The following P3H2 variants were observed in gnomAD, a reference collection of about 807,000 sequenced individuals.
The protein encoded by P3H2 is leprecan-like 1.
A neutral mutation model predicts 87.0 loss-of-function variants in P3H2; 80 were observed. The observed-to-expected ratio is 0.92, with a 90% CI of 0.77 to 1.11. The LOEUF is 1.11. P3H2 is among the 50% of genes least tolerant of loss of function. The pLI is 0.00. For synonymous variants in P3H2, 367 were observed against 359.3 expected, an observed-to-expected ratio of 1.02 and a Z score of -0.24; for missense variants, 1,001 against 923.9, an observed-to-expected ratio of 1.08 and a Z score of -1.08.
At chr3:190,061,549 A>T (rs894541589) in intron 1 of P3H2, among the ~76,000 whole-genome samples, 3 of 152,102 alleles carry the variant, frequency 2.0e-5, no homozygotes, top group Non-Finnish European at 4.4e-5. Context: ...GTTTATCAAT[A>T]CATCCTACTA....
intron 2 of P3H2, 90 bp from the exon 3 acceptor site, chr3:189,994,373 C>A: frequency 9.2e-7 from 1 of 1,086,424 alleles, no homozygotes. Context: ...TTTTTGTTGA[C>A]TCAGGATCAT....
At chr3:190,034,316 T>C (rs148523364) in intron 1 of P3H2, among the ~76,000 whole-genome samples, 3 of 152,340 alleles carry the variant, frequency 2.0e-5, no homozygotes, top group Admixed American at 2.0e-4. Flanking sequence ...TTGGTGGTAG[T>C]ACTTTCTCTA....
rs149890538 is a variant in P3H2, at chr3:190,080,269, G to A, written c.480+39983C>T. The stretch of plus-strand genomic sequence containing the variant: ...AGATACGGGCATAGCAGAGGGCACT[G>A]AGGCTACAGAGTAAGCCAGGCTTTA... On this transcript the variant is annotated intron_variant, in intron 1 of 14. Coordinates refer to ENST00000319332, the MANE Select transcript of P3H2 (RefSeq NM_018192.4). Among the ~76,000 whole-genome samples the A allele has an allele frequency of 5.5e-3, 831 of 152,310 alleles. 8 individuals carry two copies. The highest frequency in any genetic ancestry group is 0.019 in the African/African-American group (790 of 41,568).
intron 1 of P3H2, among the ~76,000 whole-genome samples, chr3:190,083,991 T>G (rs554096722): frequency 6.6e-6 from 1 of 152,238 alleles, no homozygotes; most frequent in Admixed American, 6.5e-5. Context: ...ATTCTCATTA[T>G]GTTTTTTAAA....
chr3:190,048,029 G>T (rs535704603), intron 1 of P3H2, among the ~76,000 whole-genome samples: 7 of 152,208 alleles, frequency 4.6e-5, no homozygotes, highest in Middle Eastern at 3.4e-3. Context: ...GAGAGAAGTG[G>T]CTGTCACAAT....
In P3H2 at chr3:190,120,639, G is replaced by A. The variant is rs766560374; in HGVS notation, c.93C>T (p.Arg31=). ...GCCCGGGCTCCAGCTCCAGCTCCCG[G>A]CGTGGGCTGTCCGGGGGGCCGCCCC... The part of the protein sequence containing the change: ...PLWGGPPDSP[R]RELELEPGPL... Residue 31 remains arginine (R), a synonymous_variant, in exon 1 of 15, where the codon CGC becomes CGT. Transcript: ENST00000319332. The A allele has an allele frequency of 6.5e-7, 1 of 1,530,258 alleles. No individual in the cohort carries two copies. The highest frequency in any genetic ancestry group is 1.2e-5 in the South Asian group (1 of 82,894). The allele number at this position is 1,530,258 out of a possible 1,614,324, so 94.8% of individuals were successfully genotyped here.
chr3:189,982,523 C>T (rs1316035396), intron 8 of P3H2, among the ~76,000 whole-genome samples: 3 of 152,146 alleles, frequency 2.0e-5, no homozygotes, highest in Non-Finnish European at 2.9e-5. Flanking sequence ...GCCTTTGCTC[C>T]GTTTCTTTTA....
chr3:190,083,672 A>C (rs1220128127), intron 1 of P3H2, among the ~76,000 whole-genome samples: 1 of 152,224 alleles, frequency 6.6e-6, no homozygotes, highest in Non-Finnish European at 1.5e-5. Flanking sequence ...AGAATCCCCT[A>C]GTCACCCATT....
chr3:190,004,193 A>C (rs74493467), intron 1 of P3H2, among the ~76,000 whole-genome samples: 2,843 of 152,276 alleles, frequency 0.019, 87 homozygotes, highest in African/African-American at 0.065. Context: ...TGTATGTTTT[A>C]TATAGTTGGC....
At position 190,120,841 on chromosome 3, in the gene P3H2, C is replaced by T; in HGVS notation, c.-110G>A. The T allele has an allele frequency of 2.1e-6, 3 of 1,431,696 alleles. No homozygotes were observed. In the South Asian group the frequency reaches 4.2e-5, roughly 20 times the overall value. 88.7% of individuals were successfully genotyped at this position (1,431,696 alleles called of 1,614,324 possible). ...TCGGGGAAGCGCGCCGACTCCGCCG[C>T]GATCTGGCCGCTCCGCGAGCCCCAG... On this transcript the variant is annotated 5_prime_UTR_variant, in exon 1 of 15. Coordinates refer to ENST00000319332, the MANE Select transcript of P3H2 (RefSeq NM_018192.4).
At chr3:190,013,661 C>T (rs1385280407) in intron 1 of P3H2, among the ~76,000 whole-genome samples, 1 of 152,136 alleles carries the variant, frequency 6.6e-6, no homozygotes, top group Non-Finnish European at 1.5e-5. Context: ...TCCCTTAGGA[C>T]TTTTAACATC....
In P3H2 at chr3:189,987,572, ACT is replaced by A; in HGVS notation, c.1051_1052del (p.Leu352AlafsTer3). ...DVLDNVDYYE[S>X]LLDDSIDPAS... Reference sequence around the variant, plus strand: ...CCGGGTCAATGCTATCATCCAGCAGACTCTCATAGTAATCCACATTGTCTAGG... The same window carrying A: ...CCGGGTCAATGCTATCATCCAGCAGACTCATAGTAATCCACATTGTCTAGG... On this transcript the variant is annotated frameshift_variant, in exon 5 of 15. Coordinates refer to ENST00000319332, the MANE Select transcript of P3H2 (RefSeq NM_018192.4). LOFTEE classifies it high-confidence loss of function. 6.2e-7 allele frequency: 1 copy of A among 1,613,962 alleles called. No homozygotes were observed. Among genetic ancestry groups the A allele is most frequent in the South Asian group, 1.1e-5 (1 of 91,076 alleles).
rs768764650 is a variant in P3H2 at position 189,974,605 on chromosome 3, T to C, written c.1405A>G (p.Asn469Asp). The C allele has an allele frequency of 1.9e-6, 3 of 1,614,156 alleles. No individual in the cohort carries two copies. Among genetic ancestry groups the C allele is most frequent in the Admixed American group, 1.7e-5 (1 of 60,022 alleles). The change falls in exon 9 of 15, where the codon AAC (asparagine) becomes GAC (aspartate). Residue 469 changes from asparagine (N) to aspartate (D), a missense_variant. Physicochemically the swap from Asn to Asp is conservative, Grantham distance 23. Transcript: ENST00000319332. ...LNGTQRVLLD[N>D]VLSEEQCREL... The stretch of plus-strand genomic sequence containing the variant: ...CGGCACTGTTCTTCCGACAGGACGT[T>C]ATCCAGGAGAACCCGCTGAGTCCCG...
Position 189,978,391 on chromosome 3 carries a change from G to C in P3H2, c.1325-3706C>G, listed in dbSNP as rs560964167. 2.0e-5 allele frequency among the ~76,000 whole-genome samples: 3 copies of C among 152,180 alleles called. No homozygotes were observed. In the South Asian group the frequency reaches 6.2e-4, roughly 32 times the overall value. On this transcript the variant is annotated intron_variant, in intron 8 of 14. Transcript: ENST00000319332. ...ATTGTTGAATTAATAAGCTACACCT[G>C]GAATACTGTGTTAAGTTCTGATTGA... is the stretch of plus-strand genomic sequence containing the variant.
chr3:190,080,231 G>A (rs1726998294), intron 1 of P3H2, among the ~76,000 whole-genome samples: 1 of 152,136 alleles, frequency 6.6e-6, no homozygotes, highest in South Asian at 2.1e-4. Flanking sequence ...TATTTGATTG[G>A]AGTTGGATAA....
At chr3:190,036,821 A>G (rs901292461) in intron 1 of P3H2, among the ~76,000 whole-genome samples, 1 of 152,174 alleles carries the variant, frequency 6.6e-6, no homozygotes, top group African/African-American at 2.4e-5. Flanking sequence ...GATGTAAACC[A>G]GGCAGCAGCC....
At chr3:190,118,590 T>C (rs1577333022) in intron 1 of P3H2, among the ~76,000 whole-genome samples, 2 of 151,970 alleles carry the variant, frequency 1.3e-5, no homozygotes, top group Non-Finnish European at 1.5e-5. Flanking sequence ...GACTTTCTCC[T>C]CATTTCTTGC....
intron 2 of P3H2, among the ~76,000 whole-genome samples, 171 bp downstream of exon 2, chr3:189,995,119 A>T (rs1411865607): frequency 6.6e-6 from 1 of 151,874 alleles, no homozygotes; most frequent in African/African-American, 2.4e-5. Flanking sequence ...AAAAACCTCA[A>T]TTTTTTCAGA....
chr3:189,975,483 T>C (rs924476866), intron 8 of P3H2, among the ~76,000 whole-genome samples: 1 of 152,170 alleles, frequency 6.6e-6, no homozygotes, highest in Non-Finnish European at 1.5e-5. Context: ...TGGTGTAGCA[T>C]AGTGCAAACA....
Sources: allele counts gnomAD v4.1 joint callset (sites outside exome capture counted in the v4.1 genomes callset), GRCh38; gene constraint gnomAD v4.1.1; transcripts MANE v1.5; gene names NCBI Gene and HGNC (gene_info 2026-07-23, HGNC 2026-07-21).